MYCBP2: variants seen among roughly 807,000 people sequenced by gnomAD.
MYCBP2 encodes the protein E3 ubiquitin-protein ligase MYCBP2.
MYCBP2 carries 120 observed loss-of-function variants against 525.3 expected under a neutral mutation model. The ratio of observed to expected loss-of-function variants is 0.23; its 90% CI spans 0.20 to 0.27. The LOEUF (loss-of-function observed/expected upper bound fraction) is 0.27, where lower values mean the gene tolerates loss of function less well. MYCBP2 is among the 10% of genes least tolerant of loss of function. The pLI is 1.00. For synonymous variants in MYCBP2, 1,894 were observed against 1,955.8 expected, an observed-to-expected ratio of 0.97 and a Z score of 0.83; for missense variants, 4,149 against 5,657.1, an observed-to-expected ratio of 0.73 and a Z score of 8.55.
chr13:77,286,402 CTA>C (rs886408305), intron 3 of MYCBP2, among the ~76,000 whole-genome samples: 4 of 152,012 alleles, frequency 2.6e-5, no homozygotes, highest in Admixed American at 6.5e-5. Context: ...TTAAAAATGT[CTA>C]TATTTTCACC....
chr13:77,255,389 A>T (rs1199355973), intron 14 of MYCBP2, among the ~76,000 whole-genome samples: 1 of 152,038 alleles, frequency 6.6e-6, no homozygotes, highest in Admixed American at 6.5e-5. Flanking sequence ...ATCTTTTAAC[A>T]ATTTTACTTT....
intron 18 of MYCBP2, among the ~76,000 whole-genome samples, chr13:77,232,286 C>G (rs1456181141): frequency 6.6e-6 from 1 of 152,078 alleles, no homozygotes; most frequent in African/African-American, 2.4e-5. Context: ...TTTAAAACTT[C>G]CTATTCTATT....
At chr13:77,175,455 T>C (rs957095080) in intron 36 of MYCBP2, among the ~76,000 whole-genome samples, 1 of 152,206 alleles carries the variant, frequency 6.6e-6, no homozygotes, top group South Asian at 2.1e-4. Context: ...TAGAAACTAA[T>C]GCTTTATGAC....
Position 77,064,636 on chromosome 13 carries a change from C to T in MYCBP2, c.12651G>A (p.Val4217=), listed in dbSNP as rs1348181696. Residue 4217 remains valine, a synonymous_variant, in exon 73 of 83, where the codon GTG becomes GTA. Transcript: ENST00000544440. The part of the protein sequence containing the change: ...TKMEEEFRSP[V]RCIATTRLWL... The stretch of plus-strand genomic sequence containing the variant: ...CTACTCTAGTTGTTGCAATACATCT[C>T]ACTGGAGACCTAAATTCTTCTTCCA... 6.2e-7 allele frequency: 1 copy of T among 1,612,528 alleles called. No homozygotes were observed. Among genetic ancestry groups the T allele is most frequent in the East Asian group, 2.2e-5 (1 of 44,740 alleles).
chr13:77,084,181 A>G (rs769227434), intron 62 of MYCBP2, among the ~76,000 whole-genome samples: 1 of 152,202 alleles, frequency 6.6e-6, no homozygotes, highest in Non-Finnish European at 1.5e-5. Flanking sequence ...ATATATGATA[A>G]GGAGAACTTC....
intron 49 of MYCBP2, among the ~76,000 whole-genome samples, chr13:77,143,331 G>A (rs1485739028): frequency 3.3e-5 from 5 of 152,174 alleles, no homozygotes; most frequent in Admixed American, 3.3e-4. Context: ...CCAATCAGCT[G>A]GGGACACAGA....
chr13:77,198,207 A>G (rs1039360933), intron 26 of MYCBP2, among the ~76,000 whole-genome samples: 2 of 152,234 alleles, frequency 1.3e-5, no homozygotes, highest in Non-Finnish European at 2.9e-5. Context: ...TTATCAAAAT[A>G]TATGTGCTAC....
intron 1 of MYCBP2, among the ~76,000 whole-genome samples, chr13:77,299,477 G>A (rs1290970162): frequency 6.6e-6 from 1 of 152,030 alleles, no homozygotes; most frequent in African/African-American, 2.4e-5. Flanking sequence ...CAGAGGAAGA[G>A]GTAGAAGTTT....
intron 4 of MYCBP2, among the ~76,000 whole-genome samples, chr13:77,278,123 T>C (rs1164936244): frequency 1.3e-5 from 2 of 152,150 alleles, no homozygotes; most frequent in African/African-American, 2.4e-5. Flanking sequence ...TTATGATGAA[T>C]ACAAAAAAAA....
Position 77,261,156 on chromosome 13 carries a change from G to A in MYCBP2, c.1852+15C>T, listed in dbSNP as rs1403507340. ...ATTTATTTTTATTAAATGCATAGTT[G>A]ATCACTCAACTTACTTGATTCTCCA... On this transcript the variant is annotated intron_variant, in intron 12 of 82. Coordinates refer to ENST00000544440, the MANE Select transcript of MYCBP2 (RefSeq NM_015057.5). 1 of 1,596,188 alleles carries A rather than the reference G, an allele frequency of 6.3e-7. No homozygotes were observed. Among genetic ancestry groups the A allele is most frequent in the Non-Finnish European group, 8.6e-7 (1 of 1,166,808 alleles).
At chr13:77,122,059 T>C (rs1307182303) in intron 54 of MYCBP2, among the ~76,000 whole-genome samples, 2 of 152,004 alleles carry the variant, frequency 1.3e-5, no homozygotes, top group Admixed American at 1.3e-4. Flanking sequence ...CCATGTTACA[T>C]AATCAGAGTC....
chr13:77,169,323 A>G (rs984570994), intron 39 of MYCBP2, among the ~76,000 whole-genome samples: 4 of 151,160 alleles, frequency 2.6e-5, no homozygotes, highest in African/African-American at 7.3e-5. Flanking sequence ...GTGAACCCGG[A>G]AGGCGGAGCT....
At chr13:77,160,962 T>A (rs1052752981) in intron 44 of MYCBP2, among the ~76,000 whole-genome samples, 1 of 152,168 alleles carries the variant, frequency 6.6e-6, no homozygotes, top group Non-Finnish European at 1.5e-5. Context: ...TTTGGAAAAT[T>A]TTACAAATCT....
intron 37 of MYCBP2, among the ~76,000 whole-genome samples, chr13:77,173,575 C>T (rs539826177): frequency 2.0e-4 from 31 of 152,266 alleles, no homozygotes; most frequent in Non-Finnish European, 4.0e-4. Flanking sequence ...TAGGCACCAT[C>T]CCTAGACTCT....
intron 18 of MYCBP2, among the ~76,000 whole-genome samples, chr13:77,225,847 CAA>C (rs1385652301): frequency 6.6e-6 from 1 of 151,972 alleles, no homozygotes; most frequent in Non-Finnish European, 1.5e-5. Flanking sequence ...ATAGAAATAA[CAA>C]AATTTAAAAT....
intron 18 of MYCBP2, among the ~76,000 whole-genome samples, chr13:77,226,419 A>G (rs762577868): frequency 7.9e-5 from 12 of 152,210 alleles, no homozygotes; most frequent in African/African-American, 1.4e-4. Flanking sequence ...TCTAATCACA[A>G]TGTACTTCTA....
In MYCBP2 at chr13:77,062,646, G is replaced by A. The variant is rs1243730121; in HGVS notation, c.12724C>T (p.Arg4242Cys). ...LCVLDQDHVD[R>C]LSSGRWMGKD... ...CCCATCCATCTCCCCGAGGAGAGAC[G>A]ATCTACGTGGTCCTGATCAAGAACA... The change falls in exon 74 of 83, where the codon CGT becomes TGT. Residue 4242 changes from arginine to cysteine, a missense_variant. Around this residue, in one of 21 missense-constraint regions of MYCBP2, gnomAD observed 220 missense variants for 396.0 expected, o/e 0.56. Coordinates refer to ENST00000544440, the MANE Select transcript of MYCBP2 (RefSeq NM_015057.5). 2 of 1,614,026 alleles carry A rather than the reference G, an allele frequency of 1.2e-6. No homozygotes were observed. The highest frequency in any genetic ancestry group is 1.3e-5 in the African/African-American group (1 of 74,908).
intron 23 of MYCBP2, among the ~76,000 whole-genome samples, chr13:77,210,353 C>A (rs9565325): frequency 0.63 from 96,100 of 151,590 alleles, 32,932 homozygotes; most frequent in Non-Finnish European, 0.76. Flanking sequence ...CCACCACGCC[C>A]GGCTAATTTT....
intron 54 of MYCBP2, among the ~76,000 whole-genome samples, chr13:77,123,177 A>G (rs1373699762): frequency 6.6e-6 from 1 of 152,214 alleles, no homozygotes; most frequent in Non-Finnish European, 1.5e-5. Flanking sequence ...TGAACAGACT[A>G]TTTGGGCAGC....
Sources: gnomAD v4.1 joint callset for allele counts (sites outside exome capture counted in the v4.1 genomes callset) on GRCh38, gnomAD v4.1.1 for gene constraint, gnomAD v4.1.1 regional missense constraint, MANE v1.5 for transcripts, NCBI Gene and HGNC (gene_info 2026-07-23, HGNC 2026-07-21) for gene names.